The following PIK3R5 variants were observed in gnomAD, a reference collection of about 807,000 sequenced individuals.
PIK3R5 encodes the protein phosphoinositide 3-kinase regulatory subunit 5.
In PIK3R5, 32 loss-of-function variants were observed where a neutral mutation model predicts 94.9. The ratio of observed to expected loss-of-function variants is 0.34; its 90% CI spans 0.25 to 0.45. PIK3R5 has a LOEUF of 0.45. Ranked by LOEUF, PIK3R5 falls within the 20% of genes least tolerant of loss-of-function variation. PIK3R5 has a pLI of 1.00. For missense variants in PIK3R5, 853 were observed against 1,144.6 expected (o/e 0.75, Z 3.68); for synonymous variants, 443 against 479.4 (o/e 0.92, Z 0.99).
At chr17:8,962,104 G>A (rs181531872) in intron 1 of PIK3R5, among the ~76,000 whole-genome samples, 325 of 152,318 alleles carry the variant, frequency 2.1e-3, no homozygotes, top group African/African-American at 4.1e-3. Flanking sequence ...AAGAGCAGAC[G>A]CCAGAGTCAG....
chr17:8,903,944 A>G (rs2090344552), intron 5 of PIK3R5, among the ~76,000 whole-genome samples: 1 of 152,280 alleles, frequency 6.6e-6, no homozygotes, highest in Admixed American at 6.5e-5. Context: ...ATAAGCCAAA[A>G]GAGGAAGATT....
chr17:8,901,438 GCA>G, intron 5 of PIK3R5, among the ~76,000 whole-genome samples: 1 of 152,076 alleles, frequency 6.6e-6, no homozygotes, highest in South Asian at 2.1e-4. Flanking sequence ...ATTGGGCGAG[GCA>G]CAGACAGGTC....
In PIK3R5 at chr17:8,925,100, G is replaced by A. The variant is rs769739386; in HGVS notation, c.-13-13593C>T. Among the ~76,000 whole-genome samples the A allele has an allele frequency of 3.3e-5, 5 of 151,000 alleles. No homozygotes were observed. The highest frequency in any genetic ancestry group is 6.6e-5 in the Admixed American group (1 of 15,198). On this transcript the variant is annotated intron_variant, in intron 1 of 18. Coordinates refer to ENST00000447110, the MANE Select transcript of PIK3R5 (RefSeq NM_001142633.3). This position sits in a 1 kb window ranked among gnomAD's most constrained non-coding sequence, Gnocchi z 5.1. ...TAGATAGATAGTGGATAGATAGAAA[G>A]TAGATGGATAGATAGATAGTAGATG...
At position 8,955,237 on chromosome 17, in the gene PIK3R5, A is replaced by G. The variant is rs1181992217; in HGVS notation, c.-14+10359T>C. Among the ~76,000 whole-genome samples the G allele has an allele frequency of 6.6e-6, 1 of 152,220 alleles. No individual in the cohort carries two copies. Among genetic ancestry groups the G allele is most frequent in the Non-Finnish European group, 1.5e-5 (1 of 68,036 alleles). The stretch of plus-strand genomic sequence containing the variant: ...CAAGGCTGAGGCCCGGGCCTCTTCC[A>G]TGCTGGCTGCTCGACCAGGCAATCA... On this transcript the variant is annotated intron_variant, in intron 1 of 18. Transcript: ENST00000447110. The surrounding 1 kb of genome is among the most constrained non-coding windows in gnomAD (Gnocchi z 4.4).
At chr17:8,895,041 A>G (rs551482127) in intron 5 of PIK3R5, among the ~76,000 whole-genome samples, 1 of 152,278 alleles carries the variant, frequency 6.6e-6, no homozygotes, top group South Asian at 2.1e-4. Context: ...TAATCATCGC[A>G]TATTTAGAAG....
chr17:8,887,361 T>C, intron 11 of PIK3R5, 140 bp from the exon 12 acceptor site: 1 of 1,369,734 alleles, frequency 7.3e-7, no homozygotes, highest in Non-Finnish European at 1.0e-6. Flanking sequence ...TCAGTCTTTG[T>C]CATATGGCAA....
At chr17:8,908,845 T>G (rs1379588917) in intron 3 of PIK3R5, among the ~76,000 whole-genome samples, 1 of 152,210 alleles carries the variant, frequency 6.6e-6, no homozygotes, top group Non-Finnish European at 1.5e-5. Flanking sequence ...TGTCTGTAGC[T>G]GAACTCAGGA....
At position 8,945,406 on chromosome 17, in the gene PIK3R5, G is replaced by A. The variant is rs1200379110; in HGVS notation, c.-14+20190C>T. 2.0e-5 allele frequency among the ~76,000 whole-genome samples: 3 copies of A among 152,148 alleles called. No individual in the cohort carries two copies. Among genetic ancestry groups the A allele is most frequent in the African/African-American group, 7.2e-5 (3 of 41,410 alleles). ...GGAATGAGAAACTGGTCCCAGGGCT[G>A]TATTCCCTCCACCTGGCAGCCCCTT... is the stretch of plus-strand genomic sequence containing the variant. On this transcript the variant is annotated intron_variant, in intron 1 of 18. Coordinates refer to ENST00000447110, the MANE Select transcript of PIK3R5 (RefSeq NM_001142633.3). This position sits in a 1 kb window ranked among gnomAD's most constrained non-coding sequence, Gnocchi z 4.0.
At chr17:8,885,995 A>G (rs116445141) in intron 14 of PIK3R5, among the ~76,000 whole-genome samples, 4,108 of 124,422 alleles carry the variant, frequency 0.033, 207 homozygotes, top group African/African-American at 0.12. Context: ...GGGTAACCCT[A>G]CCTTCCCGTG....
chr17:8,913,523 A>G lies in PIK3R5; in HGVS notation c.-13-2016T>C, dbSNP rs547342662. Among the ~76,000 whole-genome samples, 14 of 148,672 alleles carry G rather than the reference A, an allele frequency of 9.4e-5. No homozygotes were observed. The South Asian group carries it at 2.9e-3, about 31-fold the overall frequency. Reference sequence around the variant, plus strand: ...GGATTTCGAATCCAGCCTGGCCAACATCTTGAAACCCCATCTCTACTAAAA... The same window carrying G: ...GGATTTCGAATCCAGCCTGGCCAACGTCTTGAAACCCCATCTCTACTAAAA... On this transcript the variant is annotated intron_variant, in intron 1 of 18. Coordinates refer to ENST00000447110, the MANE Select transcript of PIK3R5 (RefSeq NM_001142633.3).
In PIK3R5 at chr17:8,909,643, A is replaced by G. The variant is rs2090481616; in HGVS notation, c.104-469T>C. ...AGGAGAAGATGCTGGATCAACACTC[A>G]ACCCTACCATGCCCCATCAAGACAT... is the stretch of plus-strand genomic sequence containing the variant. On this transcript the variant is annotated intron_variant, in intron 2 of 18. Coordinates refer to ENST00000447110, the MANE Select transcript of PIK3R5 (RefSeq NM_001142633.3). This position sits in a 1 kb window ranked among gnomAD's most constrained non-coding sequence, Gnocchi z 4.3. 6.6e-6 allele frequency among the ~76,000 whole-genome samples: 1 copy of G among 152,198 alleles called. No individual in the cohort carries two copies.
Position 8,881,908 on chromosome 17 carries a change from C to T in PIK3R5, c.2206-27G>A. 9.5e-6 allele frequency: 15 copies of T among 1,585,424 alleles called. No individual in the cohort carries two copies. Among genetic ancestry groups the T allele is most frequent in the Non-Finnish European group, 1.3e-5 (15 of 1,157,586 alleles). On this transcript the variant is annotated intron_variant, in intron 15 of 18. Coordinates refer to ENST00000447110, the MANE Select transcript of PIK3R5 (RefSeq NM_001142633.3). This position sits in a 1 kb window ranked among gnomAD's most constrained non-coding sequence, Gnocchi z 4.8. The stretch of plus-strand genomic sequence containing the variant: ...TGGAAATGCAGTGTAGCCAGACCCT[C>T]TGAGTCCAGAGGCCCCGGTGCCTGC...
chr17:8,953,901 G>T (rs1357630146), intron 1 of PIK3R5, among the ~76,000 whole-genome samples: 4 of 152,100 alleles, frequency 2.6e-5, no homozygotes, highest in Non-Finnish European at 5.9e-5. Context: ...GAGGCAGAGG[G>T]TCCAGTATCA....
rs1008038496 is a variant in PIK3R5 at position 8,925,318 on chromosome 17, A to G, written c.-13-13811T>C. Among the ~76,000 whole-genome samples, 2 of 151,984 alleles carry G rather than the reference A, an allele frequency of 1.3e-5. No homozygotes were observed. Among genetic ancestry groups the G allele is most frequent in the Non-Finnish European group, 2.9e-5 (2 of 68,010 alleles). On this transcript the variant is annotated intron_variant, in intron 1 of 18. Transcript: ENST00000447110. The surrounding 1 kb of genome is among the most constrained non-coding windows in gnomAD (Gnocchi z 5.1). Reference sequence around the variant, plus strand: ...AGATAGATAGATAGTAGATGGATAGATAGTAGATGGATAGACAGTAGATTG... The same window carrying G: ...AGATAGATAGATAGTAGATGGATAGGTAGTAGATGGATAGACAGTAGATTG...
intron 1 of PIK3R5, among the ~76,000 whole-genome samples, chr17:8,926,766 G>A: frequency 6.6e-6 from 1 of 152,122 alleles, no homozygotes; most frequent in Non-Finnish European, 1.5e-5. Context: ...GCCAAACCAT[G>A]TCACTACCCA....
chr17:8,929,240 T>A (rs2090944984), intron 1 of PIK3R5, among the ~76,000 whole-genome samples: 1 of 152,198 alleles, frequency 6.6e-6, no homozygotes, highest in Admixed American at 6.5e-5. Flanking sequence ...ATGGACTAAA[T>A]AAGCCAATTA....
intron 5 of PIK3R5, among the ~76,000 whole-genome samples, chr17:8,894,487 C>T (rs1287186382): frequency 6.6e-6 from 1 of 152,194 alleles, no homozygotes; most frequent in Non-Finnish European, 1.5e-5. Flanking sequence ...GTCCTCCGTG[C>T]TCTGAGGCAT....
Position 8,952,790 on chromosome 17 carries a change from C to T in PIK3R5, c.-14+12806G>A, listed in dbSNP as rs541385254. On this transcript the variant is annotated intron_variant, in intron 1 of 18. Transcript: ENST00000447110. ...TCTACTGAGCAGATCTTCGGAGTAA[C>T]ACAGCCAACGAGAAGTAAGCCTGCA... is the stretch of plus-strand genomic sequence containing the variant. Among the ~76,000 whole-genome samples, 84 of 152,256 alleles carry T rather than the reference C, an allele frequency of 5.5e-4. 1 individual carries two copies. Among genetic ancestry groups the T allele is most frequent in the Non-Finnish European group, 9.7e-4 (66 of 68,028 alleles).
chr17:8,908,472 A>C (rs889824867), intron 3 of PIK3R5, among the ~76,000 whole-genome samples: 4 of 151,860 alleles, frequency 2.6e-5, no homozygotes, highest in African/African-American at 9.7e-5. Context: ...TTACAGGGAT[A>C]GGTAGCCGAG....
Sources: gnomAD v4.1 joint callset for allele counts (sites outside exome capture counted in the v4.1 genomes callset) on GRCh38, gnomAD v4.1.1 for gene constraint, Gnocchi (gnomAD v3.1) non-coding constraint, MANE v1.5 for transcripts, NCBI Gene and HGNC (gene_info 2026-07-23, HGNC 2026-07-21) for gene names.